Variants in ADCY9 observed in about 807,000 individuals in gnomAD.
ADCY9 encodes the protein adenylate cyclase type 9.
In ADCY9, 50 loss-of-function variants were observed where a neutral mutation model predicts 101.5. The observed-to-expected ratio is 0.49, with a 90% CI of 0.39 to 0.62. The LOEUF (loss-of-function observed/expected upper bound fraction) is 0.62, where lower values mean the gene tolerates loss of function less well. Among genes scored for constraint, ADCY9 ranks in the 20% least tolerant of loss-of-function variants. The pLI is 0.00. For missense variants in ADCY9, 1,662 were observed against 1,800.4 expected, an observed-to-expected ratio of 0.92 and a Z score of 1.39; for synonymous variants, 905 against 769.3, an observed-to-expected ratio of 1.18 and a Z score of -2.92.
chr16:3,993,234 T>C (rs1597151414), intron 4 of ADCY9, 172 bp downstream of exon 4: 1 of 1,214,818 alleles, frequency 8.2e-7, no homozygotes, highest in Non-Finnish European at 1.1e-6. Flanking sequence ...CTGCTGACCC[T>C]CCCTCGAGCT....
chr16:4,049,716 T>C (rs1288556834), intron 2 of ADCY9, among the ~76,000 whole-genome samples: 2 of 152,140 alleles, frequency 1.3e-5, no homozygotes, highest in Non-Finnish European at 2.9e-5. Context: ...AGCTGATTCT[T>C]CCAGACTTCA....
At chr16:4,071,319 G>T (rs534710795) in intron 2 of ADCY9, among the ~76,000 whole-genome samples, 1 of 82,108 alleles carries the variant, frequency 1.2e-5, no homozygotes, top group African/African-American at 4.7e-5. Flanking sequence ...CAACAAAAGC[G>T]AAACTCAGTC....
chr16:3,997,249 T>G (rs1261587240), intron 3 of ADCY9, among the ~76,000 whole-genome samples: 1 of 152,226 alleles, frequency 6.6e-6, no homozygotes, highest in Admixed American at 6.5e-5. Flanking sequence ...TCTAAGCATT[T>G]AGAGCCATGA....
intron 2 of ADCY9, among the ~76,000 whole-genome samples, chr16:4,109,192 C>T (rs1305144382): frequency 6.6e-6 from 1 of 152,000 alleles, no homozygotes; most frequent in Non-Finnish European, 1.5e-5. Context: ...GTTTGACTCC[C>T]CTGTTGTCCC....
At chr16:4,060,920 T>C (rs1269527678) in intron 2 of ADCY9, among the ~76,000 whole-genome samples, 2 of 152,112 alleles carry the variant, frequency 1.3e-5, no homozygotes, top group African/African-American at 4.8e-5. Flanking sequence ...TTCAAAGTTA[T>C]AAGAAACTAC....
intron 2 of ADCY9, among the ~76,000 whole-genome samples, chr16:4,033,911 T>C (rs949423372): frequency 3.9e-5 from 6 of 152,218 alleles, no homozygotes; most frequent in African/African-American, 1.2e-4. Flanking sequence ...AGGGCTCAGA[T>C]CTGTGCCTGG....
rs1438930892 is a variant in ADCY9, at chr16:3,983,561, G to A, written c.2311-121C>T. 7.2e-6 allele frequency: 6 copies of A among 831,506 alleles called. No individual in the cohort carries two copies. The Admixed American group carries it at 1.4e-4, about 19-fold the overall frequency. The allele number at this position is 831,506 out of a possible 1,614,324, so 51.5% of individuals were successfully genotyped here. ...GCTGCTCTGGGCCAGGCACAGGGCA[G>A]GAAGGCTCTCGGAGGGCTGTCTCCC... On this transcript the variant is annotated intron_variant, in intron 6 of 10. Coordinates refer to ENST00000294016, the MANE Select transcript of ADCY9 (RefSeq NM_001116.4).
Position 3,966,845 on chromosome 16 carries a change from G to A in ADCY9, c.2992C>T (p.Arg998Cys), listed in dbSNP as rs1467181138. ...LLLLLVWFLNREFEVSYRLHY... is the reference protein window; with the variant it reads ...LLLLLVWFLNCEFEVSYRLHY... ...AGGCGGTAGCTGACTTCAAATTCGC[G>A]ATTCAGGAACCAGACCAACAAGAGC... The change falls in exon 11 of 11, where the codon CGC becomes TGC. Residue 998 changes from arginine (R) to cysteine (C), a missense_variant. Physicochemically the swap from Arg to Cys is radical, Grantham distance 180. This residue lies in a region of ADCY9 where 624 missense variants were observed against 639.1 expected (regional missense o/e 0.98). Transcript: ENST00000294016. 4 of 1,614,086 alleles carry A rather than the reference G, an allele frequency of 2.5e-6. No individual in the cohort carries two copies. The highest frequency in any genetic ancestry group is 1.3e-5 in the African/African-American group (1 of 74,946).
chr16:3,988,775 A>C (rs2056219439), intron 6 of ADCY9, among the ~76,000 whole-genome samples: 1 of 152,206 alleles, frequency 6.6e-6, no homozygotes, highest in Non-Finnish European at 1.5e-5. Context: ...AGTAATGGCG[A>C]GGCTGCGCTT....
chr16:4,051,510 C>G (rs1244322335), intron 2 of ADCY9, among the ~76,000 whole-genome samples: 1 of 146,376 alleles, frequency 6.8e-6, no homozygotes, highest in African/African-American at 2.5e-5. Flanking sequence ...GGCAACAGAG[C>G]AAGACTCCAT....
chr16:4,080,492 A>G (rs2141178523), intron 2 of ADCY9, among the ~76,000 whole-genome samples: 1 of 152,220 alleles, frequency 6.6e-6, no homozygotes, highest in South Asian at 2.1e-4. Flanking sequence ...CTTGGCCTCA[A>G]GAGTGATCCT....
intron 2 of ADCY9, among the ~76,000 whole-genome samples, chr16:4,035,870 A>G (rs548022904): frequency 6.6e-6 from 1 of 152,048 alleles, no homozygotes; most frequent in Admixed American, 6.6e-5. Context: ...GTGGTGGCAC[A>G]TGATTGTAAT....
At chr16:4,001,957 C>G (rs2056334263) in intron 3 of ADCY9, among the ~76,000 whole-genome samples, 1 of 152,066 alleles carries the variant, frequency 6.6e-6, no homozygotes, top group African/African-American at 2.4e-5. Context: ...CCATGTTGGC[C>G]AGGCTGGTCT....
rs907047081 is a variant in ADCY9 at position 3,979,963 on chromosome 16, G to A, written c.2520-688C>T. ...GCTCCTGTGGAAACTGAGTGACAGT[G>A]GTCTCTGCTGTTTGGGGCATCATCA... On this transcript the variant is annotated intron_variant, in intron 7 of 10. Transcript: ENST00000294016. 4.1e-5 allele frequency among the ~76,000 whole-genome samples: 3 copies of A among 72,510 alleles called. No homozygotes were observed. The East Asian group carries it at 8.0e-4, about 19-fold the overall frequency. The allele number at this position is 72,510 out of a possible 152,430, so 47.6% of individuals were successfully genotyped here.
chr16:3,980,752 A>T (rs2056134594), intron 7 of ADCY9, among the ~76,000 whole-genome samples: 1 of 152,236 alleles, frequency 6.6e-6, no homozygotes. Flanking sequence ...TACTTCCAAG[A>T]ATAACCACAA....
intron 10 of ADCY9, among the ~76,000 whole-genome samples, chr16:3,970,520 G>T (rs1406878266): frequency 6.6e-6 from 1 of 151,914 alleles, no homozygotes; most frequent in East Asian, 1.9e-4. Context: ...TAGAGACAGG[G>T]TTTCACCATG....
chr16:4,072,118 C>A (rs2056838331), intron 2 of ADCY9, among the ~76,000 whole-genome samples: 2 of 152,198 alleles, frequency 1.3e-5, no homozygotes, highest in Non-Finnish European at 2.9e-5. Context: ...TGTTTGGAAT[C>A]CCACTGGGCC....
At chr16:3,991,063 G>A (rs2141700982) in intron 5 of ADCY9, among the ~76,000 whole-genome samples, 1 of 152,204 alleles carries the variant, frequency 6.6e-6, no homozygotes, top group East Asian at 1.9e-4. Flanking sequence ...GCCTCCCAAA[G>A]TGTTGGGATT....
intron 2 of ADCY9, among the ~76,000 whole-genome samples, chr16:4,022,413 C>T (rs1037842326): frequency 2.0e-5 from 3 of 149,050 alleles, no homozygotes; most frequent in Non-Finnish European, 4.4e-5. Flanking sequence ...ATGGCGTGAA[C>T]CCGGGAAGCG....
Sources: gnomAD v4.1 joint callset for allele counts (sites outside exome capture counted in the v4.1 genomes callset) on GRCh38, gnomAD v4.1.1 for gene constraint, gnomAD v4.1.1 regional missense constraint, MANE v1.5 for transcripts, NCBI Gene and HGNC (gene_info 2026-07-23, HGNC 2026-07-21) for gene names.